The following FAM83A variants were observed in gnomAD, a reference collection of about 807,000 sequenced individuals.
FAM83A encodes the protein scaffolding CK1 anchoring protein A.
A neutral mutation model predicts 24.4 loss-of-function variants in FAM83A; 21 were observed. That is an observed-to-expected ratio of 0.86 (90% CI 0.61 to 1.24). FAM83A has a LOEUF of 1.24. Ranked by LOEUF, FAM83A falls within the 50% of genes most tolerant of loss-of-function variation. The pLI is 0.00. For synonymous variants in FAM83A, 270 were observed against 252.4 expected (o/e 1.07, Z -0.66); for missense variants, 617 against 579.8 (o/e 1.06, Z -0.66).
exon 4 of FAM83A, chr8:123,207,217 G>T (rs774094884): frequency 4.0e-5 from 65 of 1,612,030 alleles, no homozygotes; most frequent in Non-Finnish European, 5.3e-5. Context: ...CAGGCCAGGC[G>T]GTGGAGCTGT....
chr8:123,195,385 A>G (rs1461263649), intron 3 of FAM83A, among the ~76,000 whole-genome samples: 1 of 152,254 alleles, frequency 6.6e-6, no homozygotes, highest in African/African-American at 2.4e-5. Context: ...ACAAATGAGC[A>G]TAAAGGGAAA....
At chr8:123,205,361 G>A (rs1293791584) in intron 3 of FAM83A, among the ~76,000 whole-genome samples, 2 of 152,200 alleles carry the variant, frequency 1.3e-5, no homozygotes, top group Non-Finnish European at 2.9e-5. Context: ...TGAGTGCAGT[G>A]CGGCCCTTTG....
rs1033407905 is a variant in FAM83A, at chr8:123,207,363, G to A, written c.980G>A (p.Ser327Asn). ...CTTAGCAGCAGCAGTGGCTCCGCCA[G>A]TGACCGCACGTCCTCCAACCCCTTC... Residue 327 changes from serine (S) to asparagine (N), a missense_variant, in exon 4 of 4, where the codon AGT becomes AAT. Ser to Asn is a conservative substitution (Grantham distance 46). Transcript: ENST00000690554. 4.3e-6 allele frequency: 7 copies of A among 1,611,366 alleles called. No individual in the cohort carries two copies. The highest frequency in any genetic ancestry group is 4.0e-5 in the African/African-American group (3 of 74,768).
At chr8:123,205,696 C>G (rs960633375) in intron 3 of FAM83A, among the ~76,000 whole-genome samples, 2 of 149,030 alleles carry the variant, frequency 1.3e-5, no homozygotes, top group African/African-American at 5.2e-5. Context: ...ACCATCCTCT[C>G]CCTCTTGCTT....
intron 3 of FAM83A, among the ~76,000 whole-genome samples, chr8:123,200,964 A>ATATATAT (rs1182442080): frequency 6.8e-6 from 1 of 146,156 alleles, no homozygotes; most frequent in African/African-American, 2.6e-5. Context: ...AAACAAAAAA[A>ATATATAT]AAAAATATAT....
intron 1 of FAM83A, among the ~76,000 whole-genome samples, chr8:123,184,236 C>A (rs937029322): frequency 6.6e-6 from 1 of 152,108 alleles, no homozygotes; most frequent in African/African-American, 2.4e-5. Context: ...CAGGACCCAG[C>A]ATGAAAGCCT....
upstream of FAM83A, chr8:123,182,396 G>A: frequency 1.4e-5 from 5 of 362,390 alleles, no homozygotes; most frequent in South Asian, 8.2e-5. Context: ...AGGCACCCAG[G>A]AGGGGAGCAG....
At chr8:123,183,239 A>T (rs1364384716) in exon 1 of FAM83A, 1 of 1,613,406 alleles carries the variant, frequency 6.2e-7, no homozygotes, top group South Asian at 1.1e-5. Flanking sequence ...GAGAAGCCCT[A>T]CCTGAAGGAA....
At position 123,191,839 on chromosome 8, in the gene FAM83A, G is replaced by A. The variant is rs776084131; in HGVS notation, c.517G>A (p.Glu173Lys). Residue 173 changes from glutamate (E) to lysine (K), a missense_variant, in exon 2 of 4, where the codon GAG becomes AAG. Glu to Lys is a moderately conservative substitution (Grantham distance 56). Transcript: ENST00000690554. ...CCTGATGGATGTGTTCACGGATGTG[G>A]AGATCTTCTGTGACATTCTAGAGGC... is the stretch of plus-strand genomic sequence containing the variant. 5.4e-5 allele frequency: 87 copies of A among 1,613,720 alleles called. No homozygotes were observed. Among genetic ancestry groups the A allele is most frequent in the Non-Finnish European group, 7.3e-5 (86 of 1,179,936 alleles).
At chr8:123,201,906 C>G (rs1034240438) in intron 3 of FAM83A, 1 of 152,492 alleles carries the variant, frequency 6.6e-6, no homozygotes, top group African/African-American at 2.4e-5. Flanking sequence ...GAGGGAGCCA[C>G]CACTTCTGCC....
chr8:123,183,223 T>C, exon 1 of FAM83A: 2 of 1,613,484 alleles, frequency 1.2e-6, no homozygotes, highest in Non-Finnish European at 1.7e-6. Flanking sequence ...CAGCTGGGCC[T>C]CAGCTGAGAA....
chr8:123,205,914 G>A (rs1317002477), intron 3 of FAM83A, among the ~76,000 whole-genome samples: 3 of 152,150 alleles, frequency 2.0e-5, no homozygotes, highest in Non-Finnish European at 2.9e-5. Context: ...GGAGGCCGAG[G>A]CGGGCGGATC....
chr8:123,182,612 C>G (rs762602987), upstream of FAM83A: 1 of 699,406 alleles, frequency 1.4e-6, no homozygotes, highest in South Asian at 1.5e-5. Context: ...CCTCCCGGCC[C>G]GAGGGCAGGG....
At chr8:123,183,960 T>C (rs1823710228) in intron 1 of FAM83A, among the ~76,000 whole-genome samples, 1 of 152,152 alleles carries the variant, frequency 6.6e-6, no homozygotes, top group African/African-American at 2.4e-5. Context: ...CCTCCCAAAA[T>C]GCTGGGATTA....
At chr8:123,194,206 T>C in intron 3 of FAM83A, 58 bp downstream of exon 3, 3 of 1,601,726 alleles carry the variant, frequency 1.9e-6, no homozygotes, top group Non-Finnish European at 2.6e-6. Flanking sequence ...CTGAGTGAGG[T>C]GCAGACCAGC....
chr8:123,182,991 G>T (rs1048365109), exon 1 of FAM83A: 14 of 1,612,204 alleles, frequency 8.7e-6, no homozygotes, highest in Non-Finnish European at 1.2e-5. Context: ...TCTTGGATGG[G>T]GGTTCTGAAG....
intron 3 of FAM83A, among the ~76,000 whole-genome samples, chr8:123,197,425 A>C (rs1444873929): frequency 1.3e-5 from 2 of 152,174 alleles, no homozygotes; most frequent in African/African-American, 4.8e-5. Flanking sequence ...AATATGTGGC[A>C]TTTTGTGGCT....
Position 123,209,317 on chromosome 8 carries a change from T to C in FAM83A, c.*1629T>C. On this transcript the variant is annotated 3_prime_UTR_variant, in exon 4 of 4. Transcript: ENST00000690554. The surrounding 1 kb of genome is among the most constrained non-coding windows in gnomAD (Gnocchi z 4.7). ...CTGCCCATCCATCCCTCTGTTCCAA[T>C]TCTCCACTGCTCCCAGCATGATCTG... 1.4e-6 allele frequency: 2 copies of C among 1,408,218 alleles called. No homozygotes were observed. Among genetic ancestry groups the C allele is most frequent in the Non-Finnish European group, 1.8e-6 (2 of 1,088,246 alleles). 87.2% of individuals were successfully genotyped at this position (1,408,218 alleles called of 1,614,324 possible). A position where few individuals can be genotyped will look rare whatever the true frequency, so the allele number is the denominator to read the frequency against.
intron 3 of FAM83A, among the ~76,000 whole-genome samples, chr8:123,195,250 G>A (rs565254500): frequency 3.9e-5 from 6 of 152,268 alleles, no homozygotes; most frequent in African/African-American, 1.4e-4. Flanking sequence ...CAAACATTGG[G>A]ATAAGCTGGG....
Sources: gnomAD v4.1 joint callset for allele counts (sites outside exome capture counted in the v4.1 genomes callset) on GRCh38, gnomAD v4.1.1 for gene constraint, Gnocchi (gnomAD v3.1) non-coding constraint, MANE v1.5 for transcripts, NCBI Gene and HGNC (gene_info 2026-07-23, HGNC 2026-07-21) for gene names.